The following PTPRZ1 variants were observed in gnomAD, a reference collection of about 807,000 sequenced individuals.
PTPRZ1 encodes the protein protein tyrosine phosphatase receptor type Z1, also known as receptor-type tyrosine-protein phosphatase zeta.
PTPRZ1 carries 82 observed loss-of-function variants against 214.1 expected under a neutral mutation model. The observed-to-expected ratio is 0.38, with a 90% CI of 0.32 to 0.46. PTPRZ1 has a LOEUF of 0.46. Ranked by LOEUF, PTPRZ1 falls within the 20% of genes least tolerant of loss-of-function variation. The pLI is 1.00. For missense variants in PTPRZ1, 2,603 were observed against 2,748.7 expected, an observed-to-expected ratio of 0.95 and a Z score of 1.19; for synonymous variants, 945 against 987.9, an observed-to-expected ratio of 0.96 and a Z score of 0.81.
In PTPRZ1 at chr7:121,873,198, C is replaced by G; in HGVS notation, c.-302C>G. 2.4e-6 allele frequency: 1 copy of G among 422,070 alleles called. No individual in the cohort carries two copies. Among genetic ancestry groups the G allele is most frequent in the Admixed American group, 4.1e-5 (1 of 24,196 alleles). 26.1% of individuals were successfully genotyped at this position (422,070 alleles called of 1,614,324 possible). ...CCGCAGCCGGCGAAAGAGGCAAAGTCCCGCACGCCGGAGGACATGCGCCTC... is the reference window on the plus strand; with the variant it reads ...CCGCAGCCGGCGAAAGAGGCAAAGTGCCGCACGCCGGAGGACATGCGCCTC... On this transcript the variant is annotated 5_prime_UTR_variant, in exon 1 of 30. Transcript: ENST00000393386.
At chr7:121,942,999 A>G (rs1584665301) in intron 2 of PTPRZ1, among the ~76,000 whole-genome samples, 2 of 152,190 alleles carry the variant, frequency 1.3e-5, no homozygotes, top group African/African-American at 4.8e-5. Flanking sequence ...ACTTTAGAAG[A>G]TTGTATGTTA....
chr7:121,951,267 TGAGA>T (rs1563033414), intron 2 of PTPRZ1, among the ~76,000 whole-genome samples: 4 of 152,230 alleles, frequency 2.6e-5, no homozygotes, highest in Admixed American at 6.5e-5. Flanking sequence ...TTCTTGGAGC[TGAGA>T]GAGATACAAC....
chr7:122,020,344 C>T (rs2116687663), intron 13 of PTPRZ1, among the ~76,000 whole-genome samples: 1 of 152,140 alleles, frequency 6.6e-6, no homozygotes, highest in South Asian at 2.1e-4. Context: ...AAATATTACA[C>T]AAAAGTGTAT....
At position 122,040,016 on chromosome 7, in the gene PTPRZ1, T is replaced by C. The variant is rs117839160; in HGVS notation, c.5637+428T>C. Among the ~76,000 whole-genome samples the C allele has an allele frequency of 6.4e-3, 976 of 152,062 alleles. 6 individuals are homozygous for C. The highest frequency in any genetic ancestry group is 8.7e-3 in the South Asian group (42 of 4,820). On this transcript the variant is annotated intron_variant, in intron 20 of 29. Coordinates refer to ENST00000393386, the MANE Select transcript of PTPRZ1 (RefSeq NM_002851.3). The stretch of plus-strand genomic sequence containing the variant: ...AAAAGAAAAAAAAAAAGAATTCTTA[T>C]CACAGCTGCCGTCAGTCCTAAAGGT...
intron 1 of PTPRZ1, among the ~76,000 whole-genome samples, chr7:121,926,356 A>G (rs1795764108): frequency 6.6e-6 from 1 of 152,044 alleles, no homozygotes; most frequent in Non-Finnish European, 1.5e-5. Context: ...ATTCTATAAT[A>G]AAGGGAAATC....
chr7:121,882,094 CAA>C lies in PTPRZ1; in HGVS notation c.58+8538_58+8539del, dbSNP rs528566729. Among the ~76,000 whole-genome samples, 9 of 152,256 alleles carry C rather than the reference CAA, an allele frequency of 5.9e-5. No individual in the cohort carries two copies. In the East Asian group the frequency reaches 1.7e-3, roughly 29 times the overall value. Reference sequence around the variant, plus strand: ...ACCAATAACTCCATTTAAAAATTAACAATGAACTTTTCTAGGTGTTTCAAATA... The same window carrying C: ...ACCAATAACTCCATTTAAAAATTAACTGAACTTTTCTAGGTGTTTCAAATA... On this transcript the variant is annotated intron_variant, in intron 1 of 29. Coordinates refer to ENST00000393386, the MANE Select transcript of PTPRZ1 (RefSeq NM_002851.3).
At chr7:122,039,209 CT>C (rs1799639342) in intron 19 of PTPRZ1, among the ~76,000 whole-genome samples, 1 of 152,184 alleles carries the variant, frequency 6.6e-6, no homozygotes, top group African/African-American at 2.4e-5. Context: ...CCTGAATCTT[CT>C]GACTCACTTG....
intron 1 of PTPRZ1, among the ~76,000 whole-genome samples, chr7:121,924,999 C>T (rs1412657920): frequency 6.6e-6 from 1 of 152,154 alleles, no homozygotes; most frequent in African/African-American, 2.4e-5. Context: ...TATAGAGGCT[C>T]CTGCTGAGGC....
At position 122,013,572 on chromosome 7, in the gene PTPRZ1, A is replaced by C; in HGVS notation, c.4526A>C (p.Asn1509Thr). The change falls in exon 12 of 30, where the codon AAT becomes ACT. Residue 1509 changes from asparagine (N) to threonine (T), a missense_variant. Physicochemically the swap from Asn to Thr is moderately conservative, Grantham distance 65 (BLOSUM62 0). Transcript: ENST00000393386. Reference protein sequence around the residue: ...DRSPGKSPSANGLSQKHNDGK... With the variant: ...DRSPGKSPSATGLSQKHNDGK... ...AGTCCTGGTAAATCACCATCAGCAA[A>C]TGGGCTATCCCAAAAGCACAATGAT... is the stretch of plus-strand genomic sequence containing the variant. 1 of 1,614,228 alleles carries C rather than the reference A, an allele frequency of 6.2e-7. No individual in the cohort carries two copies. The highest frequency in any genetic ancestry group is 8.5e-7 in the Non-Finnish European group (1 of 1,180,032).
chr7:121,964,209 A>G (rs1796968922), intron 2 of PTPRZ1, among the ~76,000 whole-genome samples: 1 of 152,214 alleles, frequency 6.6e-6, no homozygotes, highest in African/African-American at 2.4e-5. Flanking sequence ...TGAACACTGT[A>G]TAAGTTCATT....
chr7:121,946,337 A>C (rs1353345216), intron 2 of PTPRZ1, among the ~76,000 whole-genome samples: 1 of 152,208 alleles, frequency 6.6e-6, no homozygotes, highest in Non-Finnish European at 1.5e-5. Flanking sequence ...CCTGTACCCC[A>C]GTGAATATAA....
At chr7:122,040,027 G>A (rs1160976891) in intron 20 of PTPRZ1, among the ~76,000 whole-genome samples, 14 of 152,030 alleles carry the variant, frequency 9.2e-5, no homozygotes, top group East Asian at 1.9e-4. Flanking sequence ...CACAGCTGCC[G>A]TCAGTCCTAA....
intron 22 of PTPRZ1, among the ~76,000 whole-genome samples, chr7:122,043,118 G>A (rs1051959175): frequency 1.6e-4 from 25 of 152,266 alleles, no homozygotes; most frequent in African/African-American, 6.0e-4. Context: ...GATTACATCT[G>A]TAACAAACTT....
Position 122,012,844 on chromosome 7 carries a change from T to C in PTPRZ1, c.3798T>C (p.Ser1266=). 6.2e-7 allele frequency: 1 copy of C among 1,613,310 alleles called. No individual in the cohort carries two copies. ...AAGGTTTGACCATTTCCTATGCAAG[T>C]GAGAAATATGAACCAGTTTTGTTAA... is the stretch of plus-strand genomic sequence containing the variant. ...SLQGLTISYA[S]EKYEPVLLKS... The change falls in exon 12 of 30, where the codon AGT becomes AGC. Residue 1266 remains serine, a synonymous_variant. Coordinates refer to ENST00000393386, the MANE Select transcript of PTPRZ1 (RefSeq NM_002851.3).
At chr7:121,920,359 TAA>T (rs1795558820) in intron 1 of PTPRZ1, among the ~76,000 whole-genome samples, 1 of 152,192 alleles carries the variant, frequency 6.6e-6, no homozygotes, top group Non-Finnish European at 1.5e-5. Context: ...TACATAAATA[TAA>T]TAACACATTA....
intron 2 of PTPRZ1, among the ~76,000 whole-genome samples, chr7:121,959,499 A>G (rs961788855): frequency 5.9e-5 from 9 of 152,214 alleles, no homozygotes; most frequent in Non-Finnish European, 1.0e-4. Flanking sequence ...CTTATTTTCA[A>G]CATGAGAAGT....
At chr7:122,041,976 C>T (rs935879263) in intron 21 of PTPRZ1, among the ~76,000 whole-genome samples, 2 of 152,202 alleles carry the variant, frequency 1.3e-5, no homozygotes, top group African/African-American at 4.8e-5. Context: ...TCCACTCTAG[C>T]ACTTCCTACT....
At chr7:121,908,658 A>C (rs936468915) in intron 1 of PTPRZ1, 29 of 449,096 alleles carry the variant, frequency 6.5e-5, no homozygotes, top group Non-Finnish European at 1.1e-4. Context: ...AGCTTTTAAA[A>C]ATTAAAAACT....
intron 10 of PTPRZ1, among the ~76,000 whole-genome samples, chr7:121,998,853 T>G (rs2116618937): frequency 6.6e-6 from 1 of 152,242 alleles, no homozygotes; most frequent in African/African-American, 2.4e-5. Flanking sequence ...TCATTGAAAC[T>G]TTTACAAATT....
Sources: allele counts gnomAD v4.1 joint callset (sites outside exome capture counted in the v4.1 genomes callset), GRCh38; gene constraint gnomAD v4.1.1; transcripts MANE v1.5; gene names NCBI Gene and HGNC (gene_info 2026-07-23, HGNC 2026-07-21).